ERBB4: variants seen among roughly 807,000 people sequenced by gnomAD.
ERBB4 encodes erb-b2 receptor tyrosine kinase 4, also known as receptor tyrosine-protein kinase erbB-4.
In ERBB4, 42 loss-of-function variants were observed where a neutral mutation model predicts 158.0. The ratio of observed to expected loss-of-function variants is 0.27; its 90% CI spans 0.21 to 0.34. The LOEUF (loss-of-function observed/expected upper bound fraction) is 0.34. Among genes scored for constraint, ERBB4 ranks in the 10% least tolerant of loss-of-function variants. The pLI is 1.00. For synonymous variants in ERBB4, 583 were observed against 558.7 expected, an observed-to-expected ratio of 1.04 and a Z score of -0.61; for missense variants, 1,333 against 1,624.1, an observed-to-expected ratio of 0.82 and a Z score of 3.08.
intron 19 of ERBB4, among the ~76,000 whole-genome samples, chr2:211,608,321 C>T (rs2069066511): frequency 6.6e-6 from 1 of 152,120 alleles, no homozygotes; most frequent in South Asian, 2.1e-4. Context: ...GGTATTGTTA[C>T]ATGTGGCCCA....
rs1413381233 is a variant in ERBB4, at chr2:212,140,548, G to T, written c.83-15645C>A. ...GTTTTTTTTTTAATTTTAGGAAAGG[G>T]TAAACAGACAAACATTCTATAATAT... On this transcript the variant is annotated intron_variant, in intron 1 of 27. Transcript: ENST00000342788. Among the ~76,000 whole-genome samples the T allele has an allele frequency of 2.7e-5, 4 of 149,320 alleles. No individual in the cohort carries two copies. The East Asian group carries it at 7.8e-4, about 29-fold the overall frequency.
chr2:211,993,447 G>C, intron 2 of ERBB4, among the ~76,000 whole-genome samples: 1 of 151,974 alleles, frequency 6.6e-6, no homozygotes, highest in Non-Finnish European at 1.5e-5. Context: ...AGCCACTCAG[G>C]GTGTGCTATT....
chr2:212,433,662 G>C (rs992583293), intron 1 of ERBB4, among the ~76,000 whole-genome samples: 9 of 151,922 alleles, frequency 5.9e-5, no homozygotes, highest in African/African-American at 2.2e-4. Flanking sequence ...TTTCTTAGAA[G>C]AGCTATGACT....
At chr2:211,578,647 C>T (rs1210458233) in intron 19 of ERBB4, among the ~76,000 whole-genome samples, 1 of 152,100 alleles carries the variant, frequency 6.6e-6, no homozygotes, top group Non-Finnish European at 1.5e-5. Context: ...AGAAATGAGA[C>T]TGCATGTCTA....
intron 3 of ERBB4, among the ~76,000 whole-genome samples, chr2:211,943,392 A>G (rs887100588): frequency 2.0e-5 from 3 of 152,062 alleles, no homozygotes; most frequent in African/African-American, 7.2e-5. Context: ...AGTGATTAAT[A>G]AGAACCACAG....
intron 2 of ERBB4, among the ~76,000 whole-genome samples, chr2:211,992,567 GAAA>G (rs780595071): frequency 4.0e-5 from 5 of 125,242 alleles, no homozygotes; most frequent in South Asian, 3.2e-4. Flanking sequence ...GAGAGAGAGA[GAAA>G]AAAAAAAAAA....
At chr2:211,801,231 A>T (rs1364298073) in intron 3 of ERBB4, among the ~76,000 whole-genome samples, 1 of 152,160 alleles carries the variant, frequency 6.6e-6, no homozygotes, top group Non-Finnish European at 1.5e-5. Flanking sequence ...GGTAAATTGG[A>T]TTCATATGAT....
intron 1 of ERBB4, among the ~76,000 whole-genome samples, chr2:212,221,976 G>A (rs2083304286): frequency 6.6e-6 from 1 of 151,430 alleles, no homozygotes; most frequent in South Asian, 2.1e-4. Flanking sequence ...CACATCTACA[G>A]TATCCGTATG....
intron 1 of ERBB4, among the ~76,000 whole-genome samples, chr2:212,349,319 A>ACACACACC (rs1553622915): frequency 2.6e-5 from 4 of 150,970 alleles, no homozygotes; most frequent in African/African-American, 9.8e-5. Flanking sequence ...ACACACACAC[A>ACACACACC]CACCCTTCAA....
intron 2 of ERBB4, among the ~76,000 whole-genome samples, chr2:212,061,740 T>TC (rs2077775936): frequency 6.7e-6 from 1 of 149,034 alleles, no homozygotes; most frequent in Admixed American, 6.7e-5. Flanking sequence ...TTCTTTTCTT[T>TC]TTTTTTTTTT....
intron 1 of ERBB4, among the ~76,000 whole-genome samples, chr2:212,260,579 G>A (rs967750666): frequency 6.6e-6 from 1 of 152,158 alleles, no homozygotes; most frequent in Non-Finnish European, 1.5e-5. Flanking sequence ...TTGGGAGGCC[G>A]AGGCGGGCAG....
rs533368448 is a variant in ERBB4 at position 211,441,399 on chromosome 2, T to C, written c.2488-10299A>G. Among the ~76,000 whole-genome samples the C allele has an allele frequency of 3.3e-5, 5 of 152,272 alleles. No individual in the cohort carries two copies. The East Asian group carries it at 9.7e-4, about 29-fold the overall frequency. On this transcript the variant is annotated intron_variant, in intron 20 of 27. Coordinates refer to ENST00000342788, the MANE Select transcript of ERBB4 (RefSeq NM_005235.3). Reference sequence around the variant, plus strand: ...CTGTCACTACAGGCTTCAGGACACATGTGATGGTATAGTAATAATACAAAT... The same window carrying C: ...CTGTCACTACAGGCTTCAGGACACACGTGATGGTATAGTAATAATACAAAT...
At chr2:211,587,444 C>T (rs1423814302) in intron 19 of ERBB4, among the ~76,000 whole-genome samples, 5 of 152,072 alleles carry the variant, frequency 3.3e-5, no homozygotes, top group Non-Finnish European at 2.9e-5. Flanking sequence ...CATGTGAAGA[C>T]ACAGAAGCAT....
intron 20 of ERBB4, among the ~76,000 whole-genome samples, chr2:211,543,354 C>T (rs576428132): frequency 6.6e-6 from 1 of 151,872 alleles, no homozygotes; most frequent in Non-Finnish European, 1.5e-5. Flanking sequence ...CCATATAGTG[C>T]CAATTTCTTT....
At chr2:212,445,029 AC>A (rs2092321180) in intron 1 of ERBB4, among the ~76,000 whole-genome samples, 1 of 151,772 alleles carries the variant, frequency 6.6e-6, no homozygotes. Flanking sequence ...ATTGTCTCTG[AC>A]CAAGGCACTC....
chr2:212,117,729 G>C (rs956756887), intron 2 of ERBB4, among the ~76,000 whole-genome samples: 2 of 151,826 alleles, frequency 1.3e-5, no homozygotes, highest in Non-Finnish European at 2.9e-5. Flanking sequence ...AATTCATGTG[G>C]ACCCACTTTG....
chr2:212,430,548 C>G (rs1366003689), intron 1 of ERBB4, among the ~76,000 whole-genome samples: 2 of 151,884 alleles, frequency 1.3e-5, no homozygotes, highest in Non-Finnish European at 1.5e-5. Context: ...TGAAGCGATT[C>G]TCCTGCCTCA....
chr2:211,878,409 T>C (rs910040664), intron 3 of ERBB4, among the ~76,000 whole-genome samples: 1 of 152,164 alleles, frequency 6.6e-6, no homozygotes, highest in Non-Finnish European at 1.5e-5. Context: ...ATAGTATTCA[T>C]TGAAAAAGTA....
intron 25 of ERBB4, among the ~76,000 whole-genome samples, chr2:211,400,226 T>C (rs2063005949): frequency 6.6e-6 from 1 of 152,094 alleles, no homozygotes. Context: ...TGTTGGGTGC[T>C]TTATAAGCTT....
Sources: gnomAD v4.1 joint callset for allele counts (sites outside exome capture counted in the v4.1 genomes callset) on GRCh38, gnomAD v4.1.1 for gene constraint, MANE v1.5 for transcripts, NCBI Gene and HGNC (gene_info 2026-07-23, HGNC 2026-07-21) for gene names.